GRIK4: variants seen among roughly 807,000 people sequenced by gnomAD.
GRIK4 encodes the protein glutamate ionotropic receptor kainate type subunit 4, also known as glutamate receptor ionotropic, kainate 4.
GRIK4 carries 40 observed loss-of-function variants against 104.9 expected under a neutral mutation model. The observed-to-expected ratio is 0.38, with a 90% CI of 0.30 to 0.50. GRIK4 has a LOEUF of 0.50. Ranked by LOEUF, GRIK4 falls within the 20% of genes least tolerant of loss-of-function variation. The probability of loss-of-function intolerance (pLI) is 0.93; values close to 1 mark genes in which losing one functional copy is unlikely to be tolerated. For synonymous variants in GRIK4, 485 were observed against 524.9 expected, an observed-to-expected ratio of 0.92 and a Z score of 1.04; for missense variants, 1,047 against 1,308.1, an observed-to-expected ratio of 0.80 and a Z score of 3.08.
At position 120,546,348 on chromosome 11, in the gene GRIK4, G is replaced by A. The variant is rs182598386; in HGVS notation, c.-159+34461G>A. Among the ~76,000 whole-genome samples the A allele has an allele frequency of 1.4e-3, 215 of 152,200 alleles. 1 individual carries two copies. The highest frequency in any genetic ancestry group is 2.3e-3 in the Non-Finnish European group (154 of 68,006). On this transcript the variant is annotated intron_variant, in intron 1 of 20. Transcript: ENST00000527524. ...GATGGGCCAAAATGAGATCTGGTCC[G>A]GAAAAGTGGTCAGGGGCATTTTTCA...
At chr11:120,614,200 T>C (rs1949075626) in intron 1 of GRIK4, among the ~76,000 whole-genome samples, 1 of 152,106 alleles carries the variant, frequency 6.6e-6, no homozygotes, top group African/African-American at 2.4e-5. Context: ...CAGAAGTAAG[T>C]GCAAGTGGTT....
At chr11:120,717,509 C>T (rs1428952633) in intron 3 of GRIK4, among the ~76,000 whole-genome samples, 1 of 151,914 alleles carries the variant, frequency 6.6e-6, no homozygotes, top group Non-Finnish European at 1.5e-5. Context: ...ATGTCCCAGC[C>T]TGCATAGAAA....
intron 1 of GRIK4, among the ~76,000 whole-genome samples, chr11:120,567,324 T>C (rs1370128510): frequency 1.3e-5 from 2 of 152,040 alleles, no homozygotes; most frequent in African/African-American, 4.8e-5. Context: ...TACGCCCAGC[T>C]AATTTTAATT....
chr11:120,884,998 A>C (rs1955077120), intron 11 of GRIK4, among the ~76,000 whole-genome samples: 1 of 152,254 alleles, frequency 6.6e-6, no homozygotes. Flanking sequence ...CCGTGAGTTC[A>C]ATTGGCATCT....
rs1245397007 is a variant in GRIK4, at chr11:120,953,070, G to A, written c.1700+106G>A. 6.9e-6 allele frequency: 5 copies of A among 724,964 alleles called. No individual in the cohort carries two copies. The highest frequency in any genetic ancestry group is 1.2e-5 in the Non-Finnish European group (5 of 420,400). The allele number at this position is 724,964 out of a possible 1,614,324, so 44.9% of individuals were successfully genotyped here. On this transcript the variant is annotated intron_variant, in intron 15 of 20. Transcript: ENST00000527524. This position sits in a 1 kb window ranked among gnomAD's most constrained non-coding sequence, Gnocchi z 4.9. ...GGAGGAGAGGGGGAGGAGGAGTTGG[G>A]AAGATCTTGGTGCCAAACTAGAAGG...
intron 9 of GRIK4, among the ~76,000 whole-genome samples, chr11:120,864,301 C>T (rs910069844): frequency 5.3e-5 from 8 of 151,382 alleles, no homozygotes; most frequent in East Asian, 1.9e-4. Context: ...AGTGCAGTGG[C>T]GCGATCTCGG....
chr11:120,678,044 A>G (rs1460694254), intron 3 of GRIK4, among the ~76,000 whole-genome samples: 1 of 152,130 alleles, frequency 6.6e-6, no homozygotes, highest in African/African-American at 2.4e-5. Context: ...CCTGGCGCCA[A>G]CCCCATGCTC....
chr11:120,724,950 G>C (rs190737655), intron 3 of GRIK4, among the ~76,000 whole-genome samples: 2 of 152,138 alleles, frequency 1.3e-5, no homozygotes, highest in African/African-American at 4.8e-5. Context: ...CTATATAAGG[G>C]TGCAAACATC....
intron 3 of GRIK4, among the ~76,000 whole-genome samples, chr11:120,765,914 C>CA (rs1469903674): frequency 4.6e-5 from 7 of 152,342 alleles, no homozygotes; most frequent in African/African-American, 1.4e-4. Context: ...GTCTCCCCAT[C>CA]AGGAAGCACA....
At chr11:120,963,379 C>G (rs1227385017) in intron 18 of GRIK4, among the ~76,000 whole-genome samples, 1 of 152,190 alleles carries the variant, frequency 6.6e-6, no homozygotes, top group East Asian at 1.9e-4. Flanking sequence ...TTTGGGCCTT[C>G]CCCTGCTAAC....
chr11:120,663,308 A>G (rs1483474525), intron 3 of GRIK4, among the ~76,000 whole-genome samples: 1 of 152,164 alleles, frequency 6.6e-6, no homozygotes, highest in Non-Finnish European at 1.5e-5. Flanking sequence ...CTTGCAAATG[A>G]GGAAACAGGG....
At chr11:120,542,265 A>T (rs913206452) in intron 1 of GRIK4, among the ~76,000 whole-genome samples, 4 of 152,238 alleles carry the variant, frequency 2.6e-5, no homozygotes, top group African/African-American at 9.6e-5. Context: ...AAAAGAATGA[A>T]ATTGGACCTA....
In GRIK4 at chr11:120,832,000, C is replaced by A. The variant is rs745483579; in HGVS notation, c.660C>A (p.Asn220Lys). The A allele has an allele frequency of 6.2e-7, 1 of 1,613,592 alleles. No homozygotes were observed. Among genetic ancestry groups the A allele is most frequent in the Middle Eastern group, 1.7e-4 (1 of 5,816 alleles). ...DKTATIIIHA[N>K]ASMSHTILLK... Reference sequence around the variant, plus strand: ...CCGCCACCATCATCATCCACGCCAACGCCTCCATGTCCCACACCATCCTCC... The same window carrying A: ...CCGCCACCATCATCATCCACGCCAAAGCCTCCATGTCCCACACCATCCTCC... Residue 220 changes from asparagine to lysine, a missense_variant, in exon 7 of 21, where the codon AAC becomes AAA. Physicochemically the swap from Asn to Lys is moderately conservative, Grantham distance 94. Coordinates refer to ENST00000527524, the MANE Select transcript of GRIK4 (RefSeq NM_014619.5).
At chr11:120,647,527 C>A (rs1252693978) in intron 1 of GRIK4, among the ~76,000 whole-genome samples, 2 of 152,224 alleles carry the variant, frequency 1.3e-5, no homozygotes, top group Non-Finnish European at 2.9e-5. Context: ...TCTCTGAGCC[C>A]CTCAGGAACA....
At chr11:120,611,879 CCTG>C (rs1165956419) in intron 1 of GRIK4, among the ~76,000 whole-genome samples, 2 of 152,210 alleles carry the variant, frequency 1.3e-5, no homozygotes, top group African/African-American at 4.8e-5. Flanking sequence ...TGCGTGTGAA[CCTG>C]CTAGCTTCTG....
At chr11:120,797,151 A>G (rs1162159783) in intron 3 of GRIK4, among the ~76,000 whole-genome samples, 1 of 152,116 alleles carries the variant, frequency 6.6e-6, no homozygotes, top group African/African-American at 2.4e-5. Context: ...CTGAGGCCCC[A>G]TGGATGGAAA....
At chr11:120,961,165 A>G (rs765424777) in intron 17 of GRIK4, 91 bp downstream of exon 17, 48 of 1,158,872 alleles carry the variant, frequency 4.1e-5, no homozygotes, top group Non-Finnish European at 5.7e-5. Context: ...ATCTCTCCGC[A>G]TCTCATTATC....
rs568848759 is a variant in GRIK4 at position 120,823,703 on chromosome 11, C to T, written c.511+3783C>T. On this transcript the variant is annotated intron_variant, in intron 6 of 20. Coordinates refer to ENST00000527524, the MANE Select transcript of GRIK4 (RefSeq NM_014619.5). ...AGGGAAGGGCAGAGATCTCTCTGAA[C>T]AACATGTGCCCTTGTTCCCTCGAGC... Among the ~76,000 whole-genome samples, 8 of 152,362 alleles carry T rather than the reference C, an allele frequency of 5.3e-5. No homozygotes were observed. The East Asian group carries it at 1.5e-3, about 29-fold the overall frequency.
At chr11:120,681,292 T>C (rs568014590) in intron 3 of GRIK4, among the ~76,000 whole-genome samples, 2 of 151,540 alleles carry the variant, frequency 1.3e-5, no homozygotes, top group East Asian at 3.9e-4. Context: ...GTGGGGTGAG[T>C]CCTGGGCTCT....
Sources: gnomAD v4.1 joint callset for allele counts (sites outside exome capture counted in the v4.1 genomes callset) on GRCh38, gnomAD v4.1.1 for gene constraint, Gnocchi (gnomAD v3.1) non-coding constraint, MANE v1.5 for transcripts, NCBI Gene and HGNC (gene_info 2026-07-23, HGNC 2026-07-21) for gene names.